Variants in PDE10A observed in about 807,000 individuals in gnomAD.
The protein encoded by PDE10A is phosphodiesterase 10A, also known as cAMP and cAMP-inhibited cGMP 3',5'-cyclic phosphodiesterase 10A.
Under a neutral mutation model 97.7 loss-of-function variants are expected in PDE10A, and 39 were observed. That is an observed-to-expected ratio of 0.40 (90% confidence interval 0.31 to 0.52). The LOEUF (loss-of-function observed/expected upper bound fraction) is 0.52. Ranked by LOEUF, PDE10A falls within the 20% of genes least tolerant of loss-of-function variation. PDE10A has a pLI of 0.56. For synonymous variants in PDE10A, 371 were observed against 376.8 expected (o/e 0.98, Z 0.18); for missense variants, 731 against 1,047.8 (o/e 0.70, Z 4.17).
intron 2 of PDE10A, among the ~76,000 whole-genome samples, chr6:165,532,172 T>A (rs528274362): frequency 1.3e-5 from 2 of 151,988 alleles, no homozygotes; most frequent in Non-Finnish European, 2.9e-5. Context: ...GCTCCTCCCG[T>A]CTCGGGGCTC....
At chr6:165,619,824 C>A (rs1378570397) in intron 1 of PDE10A, among the ~76,000 whole-genome samples, 1 of 152,064 alleles carries the variant, frequency 6.6e-6, no homozygotes, top group South Asian at 2.1e-4. Flanking sequence ...AATCAGACAA[C>A]CCCGGGCCCT....
intron 1 of PDE10A, among the ~76,000 whole-genome samples, chr6:165,778,349 C>T (rs1170700466): frequency 4.6e-5 from 7 of 152,324 alleles, no homozygotes; most frequent in African/African-American, 1.4e-4. Context: ...GGATTACAGG[C>T]GTGAGCCACC....
intron 20 of PDE10A, 55 bp from the exon 21 acceptor site, chr6:165,336,266 A>C: frequency 8.8e-7 from 1 of 1,134,174 alleles, no homozygotes; most frequent in Non-Finnish European, 1.3e-6. Flanking sequence ...TAGCAATTCC[A>C]GTGATATTTA....
intron 1 of PDE10A, among the ~76,000 whole-genome samples, chr6:165,631,659 G>A (rs1238986770): frequency 6.6e-6 from 1 of 152,102 alleles, no homozygotes; most frequent in Non-Finnish European, 1.5e-5. Context: ...CAGAATAAAT[G>A]GATAAATAAC....
At chr6:165,487,839 G>A (rs954167701) in intron 2 of PDE10A, among the ~76,000 whole-genome samples, 3 of 152,102 alleles carry the variant, frequency 2.0e-5, no homozygotes, top group African/African-American at 7.2e-5. Flanking sequence ...TTCAGGTTAA[G>A]AACACATGGT....
chr6:165,391,677 A>G (rs960514395), intron 16 of PDE10A, among the ~76,000 whole-genome samples: 1 of 152,234 alleles, frequency 6.6e-6, no homozygotes. Context: ...TTTTAAAAAA[A>G]GCAACAAAAA....
intron 1 of PDE10A, among the ~76,000 whole-genome samples, chr6:165,737,739 G>A (rs915663678): frequency 5.3e-5 from 8 of 152,158 alleles, no homozygotes; most frequent in African/African-American, 1.4e-4. Flanking sequence ...CTAAGATCAC[G>A]AACAAGACAA....
At chr6:165,758,381 A>C (rs1793166422) in intron 1 of PDE10A, among the ~76,000 whole-genome samples, 1 of 152,182 alleles carries the variant, frequency 6.6e-6, no homozygotes, top group Non-Finnish European at 1.5e-5. Flanking sequence ...GAATTGCTGG[A>C]GCCCAGGAGG....
intron 3 of PDE10A, among the ~76,000 whole-genome samples, chr6:165,460,467 C>G (rs554965349): frequency 6.6e-6 from 1 of 152,226 alleles, no homozygotes; most frequent in African/African-American, 2.4e-5. Context: ...GGCAAAGCAG[C>G]TTATTGGGTA....
At chr6:165,365,224 CAATT>C (rs1783694968) in intron 18 of PDE10A, among the ~76,000 whole-genome samples, 1 of 151,950 alleles carries the variant, frequency 6.6e-6, no homozygotes, top group African/African-American at 2.4e-5. Flanking sequence ...TTAGTAATAT[CAATT>C]AAATTTTAAG....
At position 165,827,023 on chromosome 6, in the gene PDE10A, C is replaced by T. The variant is rs567230451; in HGVS notation, c.-615+160506G>A. ...AAGGGCCAATAACTTGCCTGGGTGACGCCAGCCGCACAGCCTCGGTTGTCC... is the reference window on the plus strand; with the variant it reads ...AAGGGCCAATAACTTGCCTGGGTGATGCCAGCCGCACAGCCTCGGTTGTCC... On this transcript the variant is annotated intron_variant, in intron 1 of 19. Transcript: ENST00000366882. Among the ~76,000 whole-genome samples the T allele has an allele frequency of 1.9e-3, 284 of 152,214 alleles. 4 individuals are homozygous for T. The highest frequency in any genetic ancestry group is 4.4e-4 in the Non-Finnish European group (30 of 68,000).
rs143144877 is a variant in PDE10A at position 165,670,998 on chromosome 6, C to G, written c.-614-127430G>C. On this transcript the variant is annotated intron_variant, in intron 1 of 19. Transcript: ENST00000366882. ...TTGCCTTCTAATTTTTGGAGTCTAA[C>G]AAATGGCACTTTATACGTCTACAGA... 1.3e-4 allele frequency among the ~76,000 whole-genome samples: 20 copies of G among 152,308 alleles called. No homozygotes were observed. The South Asian group carries it at 4.1e-3, about 32-fold the overall frequency.
intron 1 of PDE10A, among the ~76,000 whole-genome samples, chr6:165,713,879 A>G (rs1467540525): frequency 2.0e-5 from 3 of 152,216 alleles, no homozygotes; most frequent in Non-Finnish European, 4.4e-5. Context: ...ATGTATAGCA[A>G]TTAGAGCGCT....
In PDE10A at chr6:165,529,211, A is replaced by G. The variant is rs188989456; in HGVS notation, c.994+14229T>C. On this transcript the variant is annotated intron_variant, in intron 2 of 21. Transcript: ENST00000539869. ...TGGAGTTACAGTGTTGACTGGGGTG[A>G]CTGACCCAGACTATCAAGATGAAAT... Among the ~76,000 whole-genome samples, 531 of 152,318 alleles carry G rather than the reference A, an allele frequency of 3.5e-3. 14 individuals are homozygous for G. The highest frequency in any genetic ancestry group is 0.03 in the Admixed American group (462 of 15,300).
chr6:165,360,200 G>A (rs1321229172), intron 18 of PDE10A, among the ~76,000 whole-genome samples: 3 of 152,102 alleles, frequency 2.0e-5, no homozygotes, highest in East Asian at 1.9e-4. Flanking sequence ...TACAATCTCC[G>A]TGGGATGCTT....
intron 1 of PDE10A, among the ~76,000 whole-genome samples, chr6:165,599,409 T>C (rs905118310): frequency 6.6e-6 from 1 of 152,250 alleles, no homozygotes; most frequent in Non-Finnish European, 1.5e-5. Flanking sequence ...TCTTCAGTAC[T>C]ACCCTTTCCA....
intron 1 of PDE10A, among the ~76,000 whole-genome samples, chr6:165,812,957 C>A (rs1023126942): frequency 6.6e-6 from 1 of 152,152 alleles, no homozygotes; most frequent in Non-Finnish European, 1.5e-5. Flanking sequence ...AAGTATCCAC[C>A]CCTAATTTCT....
intron 1 of PDE10A, among the ~76,000 whole-genome samples, chr6:165,783,111 A>G (rs141743354): frequency 2.6e-5 from 4 of 152,210 alleles, no homozygotes; most frequent in African/African-American, 9.7e-5. Flanking sequence ...CTACTTAGCC[A>G]TCTAAAATAG....
At chr6:165,666,790 A>G (rs1022067659), upstream of PDE10A, among the ~76,000 whole-genome samples, 2 of 152,170 alleles carry the variant, frequency 1.3e-5, no homozygotes, top group Non-Finnish European at 2.9e-5. Flanking sequence ...ACATATCAAC[A>G]TGTTGGGGTA....
Sources: gnomAD v4.1 joint callset for allele counts (sites outside exome capture counted in the v4.1 genomes callset) on GRCh38, gnomAD v4.1.1 for gene constraint, MANE v1.5 for transcripts, NCBI Gene and HGNC (gene_info 2026-07-23, HGNC 2026-07-21) for gene names.